The following SLC33A2 variants were observed in gnomAD, a reference collection of about 807,000 sequenced individuals.
SLC33A2 encodes the protein solute carrier family 33 member 2.
chr8:144,510,682 C>T, the SLC33A2 span: 1 of 1,561,298 alleles, frequency 6.4e-7, no homozygotes. Context: ...TCCACCTGGA[C>T]ACCCTGGGGG....
the SLC33A2 span, chr8:144,510,299 G>A: frequency 7.5e-6 from 12 of 1,597,546 alleles, no homozygotes; most frequent in Middle Eastern, 2.1e-4. Context: ...CCCAGGTGGG[G>A]AGAAGGGAGG....
chr8:144,510,048 T>G, the SLC33A2 span: 1 of 1,575,698 alleles, frequency 6.3e-7, no homozygotes. Flanking sequence ...CAACAGCAGT[T>G]GGGGCTTCCG....
chr8:144,510,895 G>A, the SLC33A2 span: 117 of 1,605,800 alleles, frequency 7.3e-5, 1 homozygote, highest in Non-Finnish European at 9.7e-5. Flanking sequence ...GGCCCCCAGG[G>A]CCCTGCAGGT....
chr8:144,509,749 A>T, the SLC33A2 span: 1 of 1,566,438 alleles, frequency 6.4e-7, no homozygotes. Context: ...AATACCGTGC[A>T]GGTGGTCGCG....
At chr8:144,509,900 G>T in the SLC33A2 span, 7 of 1,551,914 alleles carry the variant, frequency 4.5e-6, no homozygotes, top group South Asian at 5.8e-5. Context: ...CCCTGCGGCG[G>T]CTCCCACAGC....
At chr8:144,509,799 G>A in the SLC33A2 span, 2 of 1,546,278 alleles carry the variant, frequency 1.3e-6, no homozygotes, top group African/African-American at 1.4e-5. Context: ...CGCGCTGCTG[G>A]CGCTGCTGCC....
the SLC33A2 span, chr8:144,510,115 T>C: frequency 2.1e-6 from 3 of 1,408,424 alleles, no homozygotes; most frequent in Middle Eastern, 4.9e-4. Context: ...CCACGCTCTT[T>C]CTGGGGTATG....
At chr8:144,510,139 G>C in the SLC33A2 span, 2 of 1,329,528 alleles carry the variant, frequency 1.5e-6, no homozygotes, top group African/African-American at 2.9e-5. Flanking sequence ...TGCAAGACTT[G>C]GCCCTGACAT....
chr8:144,510,961 G>C, the SLC33A2 span: 3 of 1,599,418 alleles, frequency 1.9e-6, no homozygotes, highest in Non-Finnish European at 2.5e-6. Context: ...GTGTGGGCCT[G>C]ACCTTGACCG....
chr8:144,510,767 G>A, the SLC33A2 span: 8 of 1,609,920 alleles, frequency 5.0e-6, no homozygotes, highest in African/African-American at 8.0e-5. Flanking sequence ...CAGGAGCCTG[G>A]GGCACTGCTG....
the SLC33A2 span, chr8:144,510,296 G>C: frequency 6.3e-7 from 1 of 1,594,836 alleles, no homozygotes; most frequent in African/African-American, 1.3e-5. Context: ...GGGCCCAGGT[G>C]GGGAGAAGGG....
chr8:144,509,505 C>T, the SLC33A2 span: 3 of 1,531,832 alleles, frequency 2.0e-6, no homozygotes, highest in South Asian at 2.4e-5. Context: ...GGCTTGGGCC[C>T]CGCTGGTGGA....
At chr8:144,509,469 C>A in the SLC33A2 span, 3 of 1,536,562 alleles carry the variant, frequency 2.0e-6, no homozygotes, top group Non-Finnish European at 2.6e-6. Context: ...GGCCAAGGTT[C>A]TGTACGCTCC....
At chr8:144,510,667 G>A in the SLC33A2 span, 1 of 1,559,852 alleles carries the variant, frequency 6.4e-7, no homozygotes, top group Non-Finnish European at 8.7e-7. Flanking sequence ...AGACTGCCTT[G>A]GTCTTCCACC....
At chr8:144,510,685 C>T in the SLC33A2 span, 1 of 1,564,412 alleles carries the variant, frequency 6.4e-7, no homozygotes, top group South Asian at 1.2e-5. Flanking sequence ...ACCTGGACAC[C>T]CTGGGGGCCA....
chr8:144,509,768 GGGGGCCGCGCTAGCT>G, the SLC33A2 span: 5 of 1,559,646 alleles, frequency 3.2e-6, no homozygotes, highest in Non-Finnish European at 4.3e-6. Context: ...CGTACAAGCT[GGGGGCCGCGCTAGCT>G]GGGGGCGCGC....
At chr8:144,509,398 A>C in the SLC33A2 span, 1 of 1,526,524 alleles carries the variant, frequency 6.6e-7, no homozygotes, top group Non-Finnish European at 8.7e-7. Flanking sequence ...TACGGGCTCC[A>C]GTCCGGCCTC....
At chr8:144,509,454 G>C in the SLC33A2 span, 3 of 1,535,038 alleles carry the variant, frequency 2.0e-6, no homozygotes, top group Non-Finnish European at 2.6e-6. Context: ...GACGCGCGTG[G>C]GGCTGGCCAA....
the SLC33A2 span, chr8:144,510,754 G>A: frequency 8.7e-6 from 14 of 1,607,304 alleles, no homozygotes; most frequent in Admixed American, 8.4e-5. Flanking sequence ...GGAAGAGAGG[G>A]GCCAGGAGCC....
Sources: gnomAD v4.1 joint callset for allele counts on GRCh38, gnomAD v4.1.1 for gene constraint, MANE v1.5 for transcripts, NCBI Gene and HGNC (gene_info 2026-07-23, HGNC 2026-07-21) for gene names.